RAPGEF2: variants seen among roughly 807,000 people sequenced by gnomAD.
RAPGEF2 encodes Rap guanine nucleotide exchange factor 2.
In RAPGEF2, 54 loss-of-function variants were observed where a neutral mutation model predicts 186.7. The ratio of observed to expected loss-of-function variants is 0.29; its 90% CI spans 0.23 to 0.36. The LOEUF is 0.36. RAPGEF2 is among the 10% of genes least tolerant of loss of function. The pLI is 1.00. For missense variants in RAPGEF2, 1,532 were observed against 2,045.0 expected (o/e 0.75, Z 4.84); for synonymous variants, 712 against 705.9 (o/e 1.01, Z -0.14).
At chr4:159,253,024 C>T (rs955409814) in intron 7 of RAPGEF2, among the ~76,000 whole-genome samples, 3 of 152,164 alleles carry the variant, frequency 2.0e-5, no homozygotes, top group Admixed American at 6.5e-5. Context: ...TAATATTGGT[C>T]TAATAGACAG....
At chr4:159,343,914 T>G (rs1310144795) in intron 22 of RAPGEF2, 122 bp from the exon 23 acceptor site, 7 of 968,812 alleles carry the variant, frequency 7.2e-6, no homozygotes, top group Non-Finnish European at 9.7e-6. Flanking sequence ...GATTATGCAG[T>G]TTAATGTTTG....
chr4:159,106,417 A>C (rs1737891151), intron 1 of RAPGEF2, among the ~76,000 whole-genome samples: 1 of 152,236 alleles, frequency 6.6e-6, no homozygotes, highest in South Asian at 2.1e-4. Flanking sequence ...AAATTATAAA[A>C]AAAAAAGTTT....
chr4:159,292,281 A>G (rs1341219913), intron 7 of RAPGEF2, among the ~76,000 whole-genome samples: 2 of 152,078 alleles, frequency 1.3e-5, no homozygotes, highest in Non-Finnish European at 2.9e-5. Flanking sequence ...TTCCTAAAAC[A>G]TGCGAACGCC....
chr4:159,115,211 A>T (rs1274864978), intron 1 of RAPGEF2, among the ~76,000 whole-genome samples: 1 of 152,164 alleles, frequency 6.6e-6, no homozygotes, highest in Non-Finnish European at 1.5e-5. Flanking sequence ...CATAACTGAA[A>T]TTGGCGTTAG....
intron 10 of RAPGEF2, among the ~76,000 whole-genome samples, chr4:159,323,244 T>G (rs930779976): frequency 2.0e-5 from 3 of 152,220 alleles, no homozygotes; most frequent in African/African-American, 7.2e-5. Context: ...AAAAGGGCAT[T>G]ATGATATACA....
chr4:159,105,686 A>T (rs997789433), intron 1 of RAPGEF2, among the ~76,000 whole-genome samples: 5 of 152,122 alleles, frequency 3.3e-5, no homozygotes, highest in South Asian at 2.1e-4. Flanking sequence ...TGCCTTTCTC[A>T]TCTATTTGTT....
At chr4:159,238,969 A>G in intron 5 of RAPGEF2, 85 bp downstream of exon 5, 1 of 733,600 alleles carries the variant, frequency 1.4e-6, no homozygotes, top group Non-Finnish European at 2.0e-6. Flanking sequence ...ATAATATTAG[A>G]TTTTTGTTGA....
At chr4:159,307,436 A>T (rs1393071446) in intron 8 of RAPGEF2, among the ~76,000 whole-genome samples, 1 of 152,216 alleles carries the variant, frequency 6.6e-6, no homozygotes. Context: ...TGATTTTTCT[A>T]AACATTTATC....
intron 4 of RAPGEF2, among the ~76,000 whole-genome samples, chr4:159,219,214 A>G (rs1374705720): frequency 1.3e-5 from 2 of 152,196 alleles, no homozygotes; most frequent in African/African-American, 4.8e-5. Context: ...TAGTTTTACA[A>G]AGCATTAACC....
intron 5 of RAPGEF2, 41 bp from the exon 6 acceptor site, chr4:159,241,160 T>C (rs890788315): frequency 2.2e-6 from 3 of 1,385,734 alleles, no homozygotes; most frequent in Admixed American, 4.9e-5. Flanking sequence ...ATAGGAAATG[T>C]TGTGTTTGGA....
chr4:159,138,474 G>A (rs116734284), intron 1 of RAPGEF2, among the ~76,000 whole-genome samples: 1,572 of 152,174 alleles, frequency 0.01, 32 homozygotes, highest in African/African-American at 0.036. Flanking sequence ...GTAGGGAGAG[G>A]TAAGAGTAAT....
At position 159,346,928 on chromosome 4, in the gene RAPGEF2, A is replaced by G; in HGVS notation, c.3642A>G (p.Gly1214=). Residue 1214 remains glycine, a synonymous_variant, in exon 25 of 30, where the codon GGA becomes GGG. Transcript: ENST00000691494. ...CACCAGCACATAAAATCAACCAGGG[A>G]CTACAGGTTCCCGCCGTGTCCCTTT... ...QPPPAHKINQ[G]LQVPAVSLYP... 1 of 1,614,210 alleles carries G rather than the reference A, an allele frequency of 6.2e-7. No homozygotes were observed. Among genetic ancestry groups the G allele is most frequent in the East Asian group, 2.2e-5 (1 of 44,886 alleles).
chr4:159,141,093 C>T (rs758227924), intron 1 of RAPGEF2, among the ~76,000 whole-genome samples: 5 of 152,124 alleles, frequency 3.3e-5, no homozygotes, highest in Non-Finnish European at 5.9e-5. Flanking sequence ...GATGCTGCGC[C>T]TGGCCTAAAA....
chr4:159,315,909 G>C (rs1429207811), intron 9 of RAPGEF2, among the ~76,000 whole-genome samples: 1 of 152,214 alleles, frequency 6.6e-6, no homozygotes, highest in African/African-American at 2.4e-5. Context: ...TAGGCCTCCG[G>C]ATAACTGCGG....
intron 2 of RAPGEF2, among the ~76,000 whole-genome samples, chr4:159,189,216 G>A (rs2111302657): frequency 6.6e-6 from 1 of 152,246 alleles, no homozygotes; most frequent in Admixed American, 6.5e-5. Flanking sequence ...TTAAGTATTG[G>A]GCAGTAGAGC....
intron 3 of RAPGEF2, among the ~76,000 whole-genome samples, chr4:159,193,677 G>A (rs982837750): frequency 2.6e-5 from 4 of 152,276 alleles, no homozygotes; most frequent in African/African-American, 9.6e-5. Context: ...ATGTCTTTGG[G>A]TATAATTGCA....
intron 19 of RAPGEF2, among the ~76,000 whole-genome samples, chr4:159,340,788 C>G (rs1204028194): frequency 7.3e-6 from 1 of 137,844 alleles, no homozygotes; most frequent in Non-Finnish European, 1.5e-5. Flanking sequence ...ACCACACACA[C>G]ACACACACAC....
intron 7 of RAPGEF2, among the ~76,000 whole-genome samples, chr4:159,280,682 T>C (rs559498554): frequency 6.6e-6 from 1 of 152,354 alleles, no homozygotes; most frequent in Admixed American, 6.5e-5. Flanking sequence ...TGAGTGACTT[T>C]GAATTGTGAA....
chr4:159,195,576 A>T (rs187502583), intron 3 of RAPGEF2, among the ~76,000 whole-genome samples: 37 of 152,340 alleles, frequency 2.4e-4, no homozygotes, highest in African/African-American at 7.9e-4. Flanking sequence ...ACGATAAAGA[A>T]CTGCCAAGCT....
Sources: gnomAD v4.1 joint callset for allele counts (sites outside exome capture counted in the v4.1 genomes callset) on GRCh38, gnomAD v4.1.1 for gene constraint, MANE v1.5 for transcripts, NCBI Gene and HGNC (gene_info 2026-07-23, HGNC 2026-07-21) for gene names.